ZNF320: variants seen among roughly 807,000 people sequenced by gnomAD.
ZNF320 encodes the protein zinc finger gene 320.
ZNF320 carries 2 observed loss-of-function variants against 6.8 expected under a neutral mutation model. The ratio of observed to expected loss-of-function variants is 0.29; its 90% CI spans 0.12 to 0.93. ZNF320 has a LOEUF of 0.93. ZNF320 is among the 40% of genes least tolerant of loss of function. The pLI, the probability that ZNF320 is intolerant of heterozygous loss-of-function variation, is 0.55. For missense variants in ZNF320, 472 were observed against 611.0 expected (o/e 0.77, Z 2.40); for synonymous variants, 208 against 203.2 (o/e 1.02, Z -0.20).
At chr19:52,871,969 C>T (rs1348605217), downstream of ZNF320, among the ~76,000 whole-genome samples, 2 of 152,192 alleles carry the variant, frequency 1.3e-5, no homozygotes, top group Admixed American at 1.3e-4. Flanking sequence ...GGTCCCCCTT[C>T]GTCTTCATTA....
chr19:52,890,471 A>G, intron 3 of ZNF320, 143 bp from the exon 4 acceptor site: 1 of 682,926 alleles, frequency 1.5e-6, no homozygotes, highest in Non-Finnish European at 2.3e-6. Context: ...AAACTCCTAC[A>G]GGAAAACTCC....
Position 52,893,772 on chromosome 19 carries a change from T to C in ZNF320, c.-192+7A>G, listed in dbSNP as rs1283168771. On this transcript the variant is annotated splice_region_variant and intron_variant, in intron 2 of 5. Coordinates refer to ENST00000682928, the MANE Select transcript of ZNF320 (RefSeq NM_001351774.2). Reference sequence around the variant, plus strand: ...AACCTGGAGAGGACACAACCAAAGCTACTCACCAGGCTGAGGTGGGAGAAT... The same window carrying C: ...AACCTGGAGAGGACACAACCAAAGCCACTCACCAGGCTGAGGTGGGAGAAT... 6.6e-6 allele frequency: 1 copy of C among 152,126 alleles called. No homozygotes were observed. 9.4% of individuals were successfully genotyped at this position (152,126 alleles called of 1,614,324 possible).
chr19:52,865,541 TTATA>T (rs2063536755), intron 5 of ZNF320: 1 of 130,670 alleles, frequency 7.7e-6, no homozygotes, highest in African/African-American at 3.1e-5. Flanking sequence ...TTATATATGA[TTATA>T]CATATATATT....
At chr19:52,863,796 G>A (rs2063500951) in exon 6 of ZNF320, 1 of 191,096 alleles carries the variant, frequency 5.2e-6, no homozygotes, top group Admixed American at 5.8e-5. Flanking sequence ...CACTTTAGAG[G>A]CCGAGGCGGG....
downstream of ZNF320, among the ~76,000 whole-genome samples, chr19:52,871,177 G>A (rs1041707595): frequency 4.6e-5 from 7 of 152,008 alleles, no homozygotes; most frequent in African/African-American, 7.2e-5. Context: ...ACAATTAGCC[G>A]CTTGTGGTGA....
At chr19:52,867,155 C>T (rs2063590160) in intron 5 of ZNF320, among the ~76,000 whole-genome samples, 2 of 151,756 alleles carry the variant, frequency 1.3e-5, no homozygotes, top group South Asian at 4.2e-4. Context: ...TGGCCAAAAG[C>T]CATGTTTGGA....
chr19:52,887,351 C>T (rs1347505844), intron 5 of ZNF320, among the ~76,000 whole-genome samples: 3 of 152,170 alleles, frequency 2.0e-5, no homozygotes, highest in Admixed American at 1.3e-4. Context: ...AAAGAAAGGA[C>T]CATGATGTGC....
At chr19:52,903,704 GTT>G in the ZNF320 span, among the ~76,000 whole-genome samples, 1 of 149,712 alleles carries the variant, frequency 6.7e-6, no homozygotes, top group African/African-American at 2.5e-5. Context: ...CCTGAACTAT[GTT>G]TTTTTTTTCT....
At chr19:52,893,113 G>GCT (rs894424403) in intron 2 of ZNF320, among the ~76,000 whole-genome samples, 1 of 150,420 alleles carries the variant, frequency 6.6e-6, no homozygotes, top group African/African-American at 2.4e-5. Context: ...GTTTTTTACT[G>GCT]CTCTCTCTCT....
At position 52,880,858 on chromosome 19, in the gene ZNF320, A is replaced by T. The variant is rs1363707044; in HGVS notation, c.1268T>A (p.Ile423Asn). The change falls in exon 6 of 6, where the codon ATT (isoleucine) becomes AAT (asparagine). Residue 423 changes from isoleucine to asparagine, a missense_variant. Around this residue, in one of 2 missense-constraint regions of ZNF320, gnomAD observed 462 missense variants for 559.7 expected, o/e 0.83. Transcript: ENST00000682928. Reference sequence around the variant, plus strand: ...ATGTCTTTCAAGGTGTGATTTGCGAATGTAAACTTTGTCACATTCTTCACA... The same window carrying T: ...ATGTCTTTCAAGGTGTGATTTGCGATTGTAAACTTTGTCACATTCTTCACA... The part of the protein sequence containing the change: ...YECEECDKVY[I>N]RKSHLERHRR... 1 of 1,613,526 alleles carries T rather than the reference A, an allele frequency of 6.2e-7. No homozygotes were observed. Among genetic ancestry groups the T allele is most frequent in the Admixed American group, 1.7e-5 (1 of 59,964 alleles).
intron 5 of ZNF320, chr19:52,865,317 C>A: frequency 7.0e-6 from 2 of 285,744 alleles, no homozygotes; most frequent in Non-Finnish European, 6.7e-6. Context: ...AACGGTACCC[C>A]ATTTCAAATA....
At chr19:52,875,074 CTCCTT>C (rs1275528177), downstream of ZNF320, among the ~76,000 whole-genome samples, 2 of 152,222 alleles carry the variant, frequency 1.3e-5, no homozygotes, top group Non-Finnish European at 2.9e-5. Flanking sequence ...TATTTTCTCA[CTCCTT>C]TCATGTATAC....
At chr19:52,864,118 C>A (rs1374706187) in exon 6 of ZNF320, 1 of 328,362 alleles carries the variant, frequency 3.0e-6, no homozygotes, top group South Asian at 3.0e-5. Flanking sequence ...TCCACTCCAG[C>A]AAAGAGAACT....
chr19:52,895,825 A>G (rs752753693), intron 1 of ZNF320: 4 of 151,864 alleles, frequency 2.6e-5, no homozygotes, highest in African/African-American at 4.9e-5. Flanking sequence ...AAAGTAAGAA[A>G]GAAAAAAAGA....
In ZNF320 at chr19:52,870,946, A is replaced by G. The variant is rs573603079; in HGVS notation, c.223+3046T>C. On this transcript the variant is annotated intron_variant, in intron 5 of 5. Transcript: ENST00000673631. Reference sequence around the variant, plus strand: ...AAAAACACAAGGTCAGGATTTCCCGACCAGCCTGACCAATATGGTGAAATC... The same window carrying G: ...AAAAACACAAGGTCAGGATTTCCCGGCCAGCCTGACCAATATGGTGAAATC... Among the ~76,000 whole-genome samples, 6 of 152,028 alleles carry G rather than the reference A, an allele frequency of 3.9e-5. No homozygotes were observed. In the South Asian group the frequency reaches 8.3e-4, roughly 21 times the overall value.
Position 52,881,959 on chromosome 19 carries a change from T to C in ZNF320, c.167A>G (p.Asn56Ser), listed in dbSNP as rs746188412. ...SLDISSKCMM[N>S]TLSSTGQGNT... is the part of the protein sequence containing the mutation. ...GCCTTGCCCTGTTGATGACAATGTA[T>C]TCATCATGCATTTGGAAGAGATATC... Residue 56 changes from asparagine to serine, a missense_variant, in exon 6 of 6, where the codon AAT becomes AGT. Asn to Ser is a conservative substitution (Grantham distance 46). Transcript: ENST00000682928. The C allele has an allele frequency of 1.7e-5, 27 of 1,606,746 alleles. No homozygotes were observed. Among genetic ancestry groups the C allele is most frequent in the Non-Finnish European group, 2.2e-5 (26 of 1,177,498 alleles).
In ZNF320 at chr19:52,879,320, G is replaced by A. The variant is rs539840428; in HGVS notation, c.*1276C>T. ...TCAACATAGTCAAGCAAATCAATGT[G>A]ATATACCACTTGAACATAATGAAAG... On this transcript the variant is annotated 3_prime_UTR_variant, in exon 6 of 6. Coordinates refer to ENST00000682928, the MANE Select transcript of ZNF320 (RefSeq NM_001351774.2). 2 of 153,730 alleles carry A rather than the reference G, an allele frequency of 1.3e-5. No individual in the cohort carries two copies. Among genetic ancestry groups the A allele is most frequent in the African/African-American group, 4.8e-5 (2 of 41,444 alleles). The allele number at this position is 153,730 out of a possible 1,614,324, so 9.5% of individuals were successfully genotyped here. A position where few individuals can be genotyped will look rare whatever the true frequency, so the allele number is the denominator to read the frequency against.
intron 4 of ZNF320, 67 bp downstream of exon 4, chr19:52,890,174 C>T: frequency 3.1e-6 from 5 of 1,591,702 alleles, no homozygotes; most frequent in Non-Finnish European, 4.3e-6. Context: ...GAGAAGATTC[C>T]CAACTCCAGG....
Position 52,881,462 on chromosome 19 carries a change from A to G in ZNF320, c.664T>C (p.Cys222Arg), listed in dbSNP as rs2147816390. 6.2e-7 allele frequency: 1 copy of G among 1,614,148 alleles called. No homozygotes were observed. The highest frequency in any genetic ancestry group is 8.5e-7 in the Non-Finnish European group (1 of 1,180,026). Residue 222 changes from cysteine (C) to arginine (R), a missense_variant, in exon 6 of 6, where the codon TGT (cysteine) becomes CGT (arginine). Cys to Arg is a radical substitution (Grantham distance 180). Coordinates refer to ENST00000682928, the MANE Select transcript of ZNF320 (RefSeq NM_001351774.2). ...RGDKHYTCNE[C>R]GKVFDQKATL... ...GCTTTTTGATCAAAAACCTTGCCAC[A>G]TTCATTACATGTGTAATGTTTGTCT... is the stretch of plus-strand genomic sequence containing the variant.
Sources: gnomAD v4.1 joint callset for allele counts (sites outside exome capture counted in the v4.1 genomes callset) on GRCh38, gnomAD v4.1.1 for gene constraint, gnomAD v4.1.1 regional missense constraint, MANE v1.5 for transcripts, NCBI Gene and HGNC (gene_info 2026-07-23, HGNC 2026-07-21) for gene names.